The following FBXW7 variants were observed in gnomAD, a reference collection of about 807,000 sequenced individuals.
FBXW7 encodes F-box/WD repeat-containing protein 7.
In FBXW7, 11 loss-of-function variants were observed where a neutral mutation model predicts 86.3. The observed-to-expected ratio is 0.13, with a 90% CI of 0.08 to 0.21. The LOEUF (loss-of-function observed/expected upper bound fraction) is 0.21. Ranked by LOEUF, FBXW7 falls within the 10% of genes least tolerant of loss-of-function variation. FBXW7 has a pLI of 1.00. For synonymous variants in FBXW7, 313 were observed against 297.9 expected, an observed-to-expected ratio of 1.05 and a Z score of -0.52; for missense variants, 488 against 847.4, an observed-to-expected ratio of 0.58 and a Z score of 5.27.
intron 7 of FBXW7, among the ~76,000 whole-genome samples, chr4:152,335,546 T>G (rs567250879): frequency 6.6e-6 from 1 of 152,352 alleles, no homozygotes; most frequent in African/African-American, 2.4e-5. Context: ...TTCTATTCAT[T>G]TGTTTTAAAG....
At chr4:152,326,513 A>C (rs777571630) in intron 11 of FBXW7, among the ~76,000 whole-genome samples, 66 of 152,042 alleles carry the variant, frequency 4.3e-4, no homozygotes, top group Admixed American at 6.6e-5. Flanking sequence ...ACTGAGTTTG[A>C]AAACCACTGT....
At chr4:152,440,721 T>G (rs1368146103) in intron 2 of FBXW7, among the ~76,000 whole-genome samples, 1 of 152,090 alleles carries the variant, frequency 6.6e-6, no homozygotes, top group African/African-American at 2.4e-5. Context: ...AATGGTACCT[T>G]GCACAGAACA....
At chr4:152,496,101 C>G (rs916495937) in intron 2 of FBXW7, among the ~76,000 whole-genome samples, 1 of 152,164 alleles carries the variant, frequency 6.6e-6, no homozygotes, top group African/African-American at 2.4e-5. Flanking sequence ...TGCTTGAACC[C>G]AGGCAGTCAA....
Position 152,407,358 on chromosome 4 carries a change from T to G in FBXW7, c.501+3945A>C, listed in dbSNP as rs17028884. ...TTGGGCCATGTTTACTAGTGGATGT[T>G]ATTCAAGATGACTGCCTTAAATAGC... On this transcript the variant is annotated intron_variant, in intron 4 of 13. Coordinates refer to ENST00000281708, the MANE Select transcript of FBXW7 (RefSeq NM_001349798.2). Among the ~76,000 whole-genome samples, 892 of 152,326 alleles carry G rather than the reference T, an allele frequency of 5.9e-3. 7 individuals are homozygous for G. Among genetic ancestry groups the G allele is most frequent in the African/African-American group, 0.02 (840 of 41,566 alleles).
chr4:152,493,681 G>T (rs1388828433), intron 2 of FBXW7, among the ~76,000 whole-genome samples: 1 of 152,160 alleles, frequency 6.6e-6, no homozygotes, highest in Non-Finnish European at 1.5e-5. Context: ...GAAAAACCAA[G>T]TGAGGACACA....
At chr4:152,413,907 T>A (rs1276377589) in intron 2 of FBXW7, among the ~76,000 whole-genome samples, 1 of 152,136 alleles carries the variant, frequency 6.6e-6, no homozygotes, top group African/African-American at 2.4e-5. Context: ...ATTTCTGGTA[T>A]CTAAAGTCCC....
chr4:152,427,053 G>C (rs925658513), intron 2 of FBXW7, among the ~76,000 whole-genome samples: 13 of 152,190 alleles, frequency 8.5e-5, no homozygotes, highest in African/African-American at 2.9e-4. Context: ...TGGTGACGGA[G>C]TTTAAAGTCA....
chr4:152,502,551 A>T (rs1302540660), intron 2 of FBXW7, among the ~76,000 whole-genome samples: 1 of 151,846 alleles, frequency 6.6e-6, no homozygotes, highest in Non-Finnish European at 1.5e-5. Context: ...AATACTTTTT[A>T]TTTTTTTTAA....
At chr4:152,399,271 T>C (rs777628574) in intron 4 of FBXW7, among the ~76,000 whole-genome samples, 8 of 152,106 alleles carry the variant, frequency 5.3e-5, no homozygotes, top group African/African-American at 1.9e-4. Flanking sequence ...CATTAAGAAA[T>C]AGGATAGAAG....
At chr4:152,517,314 A>C (rs1748586666) in intron 2 of FBXW7, among the ~76,000 whole-genome samples, 1 of 152,198 alleles carries the variant, frequency 6.6e-6, no homozygotes, top group South Asian at 2.1e-4. Flanking sequence ...GACTATTTAA[A>C]AAAAGGAAAC....
At chr4:152,468,257 T>A (rs1743634984) in intron 2 of FBXW7, among the ~76,000 whole-genome samples, 1 of 152,136 alleles carries the variant, frequency 6.6e-6, no homozygotes, top group Non-Finnish European at 1.5e-5. Context: ...GGTACTATAT[T>A]ATCGAGCAAT....
chr4:152,463,633 T>C (rs1205717369), intron 2 of FBXW7, among the ~76,000 whole-genome samples: 3 of 152,166 alleles, frequency 2.0e-5, no homozygotes, highest in South Asian at 4.1e-4. Context: ...GTTCCAACCA[T>C]ATAGCAAGCA....
At chr4:152,431,670 C>A (rs1156448104) in intron 2 of FBXW7, among the ~76,000 whole-genome samples, 1 of 152,082 alleles carries the variant, frequency 6.6e-6, no homozygotes, top group Non-Finnish European at 1.5e-5. Flanking sequence ...AATGAAACCT[C>A]CCAGGAACCC....
intron 8 of FBXW7, 46 bp downstream of exon 8, chr4:152,332,550 G>C (rs1047402498): frequency 6.9e-7 from 1 of 1,440,320 alleles, no homozygotes; most frequent in Non-Finnish European, 9.3e-7. Context: ...GAATCACTCT[G>C]CTTTTCAAAG....
At chr4:152,371,749 C>T (rs1445967540) in intron 4 of FBXW7, among the ~76,000 whole-genome samples, 1 of 151,904 alleles carries the variant, frequency 6.6e-6, no homozygotes, top group East Asian at 1.9e-4. Flanking sequence ...CTGTTTTGTT[C>T]ACTAATGTAT....
At chr4:152,436,062 C>G (rs1441800789) in intron 2 of FBXW7, among the ~76,000 whole-genome samples, 2 of 152,090 alleles carry the variant, frequency 1.3e-5, no homozygotes, top group East Asian at 3.8e-4. Flanking sequence ...TAAGACAAAA[C>G]AATATTAAAA....
chr4:152,453,510 C>T (rs1444158159), intron 2 of FBXW7, among the ~76,000 whole-genome samples: 1 of 152,028 alleles, frequency 6.6e-6, no homozygotes, highest in East Asian at 2.0e-4. Context: ...CATACAAAAA[C>T]GGGCTAAAAT....
chr4:152,345,001 AATC>A (rs1181688010), intron 6 of FBXW7, among the ~76,000 whole-genome samples: 4 of 152,206 alleles, frequency 2.6e-5, no homozygotes, highest in African/African-American at 9.6e-5. Context: ...AAATCAGTGA[AATC>A]ATGTGATATG....
Position 152,399,502 on chromosome 4 carries a change from A to C in FBXW7, c.501+11801T>G, listed in dbSNP as rs545018965. The stretch of plus-strand genomic sequence containing the variant: ...AGACAAGAAAAGGAAGTAAAAGATA[A>C]AGAGATTAAGAAAGAGGAAATAACA... On this transcript the variant is annotated intron_variant, in intron 4 of 13. Coordinates refer to ENST00000281708, the MANE Select transcript of FBXW7 (RefSeq NM_001349798.2). 7.9e-5 allele frequency among the ~76,000 whole-genome samples: 12 copies of C among 152,298 alleles called. No homozygotes were observed. The South Asian group carries it at 2.5e-3, about 32-fold the overall frequency.
Sources: allele counts gnomAD v4.1 joint callset (sites outside exome capture counted in the v4.1 genomes callset), GRCh38; gene constraint gnomAD v4.1.1; transcripts MANE v1.5; gene names NCBI Gene and HGNC (gene_info 2026-07-23, HGNC 2026-07-21).